The following RASGEF1C variants were observed in gnomAD, a reference collection of about 807,000 sequenced individuals.
RASGEF1C encodes RasGEF domain family member 1C.
A neutral mutation model predicts 58.1 loss-of-function variants in RASGEF1C; 27 were observed. That is an observed-to-expected ratio of 0.46 (90% confidence interval 0.34 to 0.64). The LOEUF (loss-of-function observed/expected upper bound fraction) is 0.64, where lower values mean the gene tolerates loss of function less well. Ranked by LOEUF, RASGEF1C falls within the 30% of genes least tolerant of loss-of-function variation. The pLI is 0.01. For synonymous variants in RASGEF1C, 243 were observed against 246.3 expected, an observed-to-expected ratio of 0.99 and a Z score of 0.13; for missense variants, 502 against 605.1, an observed-to-expected ratio of 0.83 and a Z score of 1.79.
intron 1 of RASGEF1C, among the ~76,000 whole-genome samples, chr5:180,181,810 C>T (rs973486386): frequency 2.0e-5 from 3 of 152,202 alleles, no homozygotes; most frequent in Non-Finnish European, 4.4e-5. Context: ...CTGAGTGGAG[C>T]ATGAACGCCA....
Position 180,137,808 on chromosome 5 carries a change from C to T in RASGEF1C, c.177+68G>A. On this transcript the variant is annotated intron_variant, in intron 2 of 13. Coordinates refer to ENST00000361132, the MANE Select transcript of RASGEF1C (RefSeq NM_175062.4). This position sits in a 1 kb window ranked among gnomAD's most constrained non-coding sequence, Gnocchi z 4.1. ...CTGTACCCTGGCCCAAGGTCACGCC[C>T]AACCCTGATGCCCCCCGTGCGTGGT... The T allele has an allele frequency of 1.2e-6, 2 of 1,602,520 alleles. No homozygotes were observed. The highest frequency in any genetic ancestry group is 1.7e-6 in the Non-Finnish European group (2 of 1,174,956).
At chr5:180,121,196 TATC>T in intron 6 of RASGEF1C, 47 bp from the exon 7 acceptor site, 1 of 1,324,498 alleles carries the variant, frequency 7.6e-7, no homozygotes, top group South Asian at 1.2e-5. Flanking sequence ...CCTTTTTGTC[TATC>T]ATCTTTTAGA....
At chr5:180,144,707 A>C (rs993829243) in intron 1 of RASGEF1C, among the ~76,000 whole-genome samples, 6 of 152,226 alleles carry the variant, frequency 3.9e-5, no homozygotes, top group Admixed American at 1.3e-4. Flanking sequence ...AGTGGCATTA[A>C]GTACATTCAC....
At chr5:180,189,197 T>TA (rs1384896842) in intron 1 of RASGEF1C, among the ~76,000 whole-genome samples, 1 of 152,090 alleles carries the variant, frequency 6.6e-6, no homozygotes, top group Non-Finnish European at 1.5e-5. Flanking sequence ...TTACACTACA[T>TA]AAAAAATGAA....
At chr5:180,184,444 G>A (rs1755991336) in intron 1 of RASGEF1C, among the ~76,000 whole-genome samples, 1 of 152,078 alleles carries the variant, frequency 6.6e-6, no homozygotes, top group Non-Finnish European at 1.5e-5. Flanking sequence ...AGGCATGGTG[G>A]TGTGCACCTA....
intron 12 of RASGEF1C, among the ~76,000 whole-genome samples, chr5:180,103,397 G>A (rs185839735): frequency 1.2e-3 from 188 of 152,268 alleles, no homozygotes; most frequent in Middle Eastern, 6.8e-3. Context: ...AACTTTTAGC[G>A]TACACGTCCT....
At chr5:180,133,973 C>T (rs572269363) in intron 4 of RASGEF1C, among the ~76,000 whole-genome samples, 87 of 152,206 alleles carry the variant, frequency 5.7e-4, no homozygotes, top group African/African-American at 1.3e-3. Context: ...CCTGTTTTAC[C>T]GATAGGGAAA....
At chr5:180,182,204 C>CAAAAAAAAAAAAAAAAAAAA (rs1156831010) in intron 1 of RASGEF1C, among the ~76,000 whole-genome samples, 1 of 22,770 alleles carries the variant, frequency 4.4e-5, no homozygotes, top group African/African-American at 1.5e-4. Flanking sequence ...GACTCCGTCT[C>CAAAAAAAAAAAAAAAAAAAA]AAAAAAAAAA....
chr5:180,117,345 A>G (rs1766086063), intron 10 of RASGEF1C, among the ~76,000 whole-genome samples: 1 of 152,196 alleles, frequency 6.6e-6, no homozygotes, highest in African/African-American at 2.4e-5. Context: ...TTGCTTCCCA[A>G]ACCTGCCCAC....
At chr5:180,201,233 G>T (rs1478582232) in intron 1 of RASGEF1C, among the ~76,000 whole-genome samples, 1 of 152,210 alleles carries the variant, frequency 6.6e-6, no homozygotes, top group Non-Finnish European at 1.5e-5. Context: ...GTCTCAGGAA[G>T]GCCCTGCTTC....
At chr5:180,108,350 C>T (rs920896149) in intron 12 of RASGEF1C, among the ~76,000 whole-genome samples, 10 of 151,892 alleles carry the variant, frequency 6.6e-5, no homozygotes, top group South Asian at 2.1e-4. Flanking sequence ...TACAGGTGCC[C>T]GACACCACGC....
intron 1 of RASGEF1C, among the ~76,000 whole-genome samples, chr5:180,161,772 C>T (rs1331044588): frequency 6.6e-6 from 1 of 152,228 alleles, no homozygotes; most frequent in Non-Finnish European, 1.5e-5. Context: ...CCATTCAGCT[C>T]GCCAGACAGT....
intron 1 of RASGEF1C, among the ~76,000 whole-genome samples, chr5:180,159,604 T>C (rs1440303196): frequency 3.3e-5 from 5 of 152,186 alleles, no homozygotes; most frequent in Non-Finnish European, 7.3e-5. Context: ...ACTGACTGAA[T>C]GCTTCAAGAG....
At position 180,190,518 on chromosome 5, in the gene RASGEF1C, T is replaced by A. The variant is rs1481347697; in HGVS notation, c.-7+18510A>T. 4.3e-3 allele frequency among the ~76,000 whole-genome samples: 486 copies of A among 113,880 alleles called. 2 individuals carry two copies. The highest frequency in any genetic ancestry group is 6.7e-3 in the Non-Finnish European group (350 of 52,258). 74.7% of individuals were successfully genotyped at this position (113,880 alleles called of 152,430 possible). A position where few individuals can be genotyped will look rare whatever the true frequency, so the allele number is the denominator to read the frequency against. On this transcript the variant is annotated intron_variant, in intron 1 of 13. Transcript: ENST00000361132. ...AAAAAAAAAAAAAAAATAATAATAA[T>A]AATAATAATAATTAGCCAGGCACGG...
chr5:180,138,109 G>A lies in RASGEF1C; in HGVS notation c.-6-51C>T. On this transcript the variant is annotated intron_variant, in intron 1 of 13. Transcript: ENST00000361132. ...CCTGAGTGGGGGCACACCTGAGTTGGGTGCACCTGAGTGGGAGCTGCTGGT... is the reference window on the plus strand; with the variant it reads ...CCTGAGTGGGGGCACACCTGAGTTGAGTGCACCTGAGTGGGAGCTGCTGGT... 3 of 1,176,648 alleles carry A rather than the reference G, an allele frequency of 2.5e-6. No homozygotes were observed. In the East Asian group the frequency reaches 8.4e-5, roughly 33 times the overall value. The allele number at this position is 1,176,648 out of a possible 1,614,324, so 72.9% of individuals were successfully genotyped here.
intron 1 of RASGEF1C, among the ~76,000 whole-genome samples, chr5:180,170,813 C>A (rs980161293): frequency 3.9e-5 from 6 of 152,342 alleles, no homozygotes; most frequent in African/African-American, 7.2e-5. Flanking sequence ...TGGCATACCC[C>A]GGTCCTGCTC....
Position 180,198,293 on chromosome 5 carries a change from A to G in RASGEF1C, c.-7+10735T>C, listed in dbSNP as rs1423109816. Reference sequence around the variant, plus strand: ...GTCAAAGACACATGTCGGGTGCCCAAGAAGGGAAGAAAGTGAAGGCATACT... The same window carrying G: ...GTCAAAGACACATGTCGGGTGCCCAGGAAGGGAAGAAAGTGAAGGCATACT... On this transcript the variant is annotated intron_variant, in intron 1 of 13. Coordinates refer to ENST00000361132, the MANE Select transcript of RASGEF1C (RefSeq NM_175062.4). The surrounding 1 kb of genome is among the most constrained non-coding windows in gnomAD (Gnocchi z 4.5). Among the ~76,000 whole-genome samples, 1 of 152,256 alleles carries G rather than the reference A, an allele frequency of 6.6e-6. No individual in the cohort carries two copies. The highest frequency in any genetic ancestry group is 6.5e-5 in the Admixed American group (1 of 15,290).
intron 1 of RASGEF1C, among the ~76,000 whole-genome samples, chr5:180,169,644 CACA>C (rs1191631261): frequency 7.9e-5 from 12 of 152,050 alleles, no homozygotes; most frequent in Non-Finnish European, 1.6e-4. Flanking sequence ...TTTCCCTATG[CACA>C]ACAAGGATCA....
intron 11 of RASGEF1C, among the ~76,000 whole-genome samples, chr5:180,112,945 G>GTGGATGGACAGAGGGATCC (rs1765984946): frequency 8.5e-6 from 1 of 118,258 alleles, no homozygotes; most frequent in East Asian, 3.1e-4. Context: ...CGGAGGGACC[G>GTGGATGGACAGAGGGATCC]GGGATGGACG....
Sources: allele counts gnomAD v4.1 joint callset (sites outside exome capture counted in the v4.1 genomes callset), GRCh38; gene constraint gnomAD v4.1.1; non-coding constraint Gnocchi (gnomAD v3.1); transcripts MANE v1.5; gene names NCBI Gene and HGNC (gene_info 2026-07-23, HGNC 2026-07-21).